Variants in PTPRO observed in about 807,000 individuals in gnomAD.
PTPRO encodes the protein protein tyrosine phosphatase receptor type O.
PTPRO carries 62 observed loss-of-function variants against 145.2 expected under a neutral mutation model. The ratio of observed to expected loss-of-function variants is 0.43; its 90% CI spans 0.35 to 0.53. The LOEUF is 0.53. PTPRO is among the 20% of genes least tolerant of loss of function. The pLI is 0.01. For missense variants in PTPRO, 1,345 were observed against 1,482.7 expected (o/e 0.91, Z 1.53); for synonymous variants, 565 against 514.7 (o/e 1.10, Z -1.32).
rs369606453 is a variant in PTPRO at position 15,580,690 on chromosome 12, C to G, written c.2998-7C>G. On this transcript the variant is annotated splice_polypyrimidine_tract_variant and splice_region_variant and intron_variant, in intron 21 of 26. Transcript: ENST00000281171. ...GTTAGGTGATAATTTTGTCACTTAT[C>G]TTTCAGGGATACAACTCACCCCAGG... 5 of 1,613,944 alleles carry G rather than the reference C, an allele frequency of 3.1e-6. No individual in the cohort carries two copies. In the African/African-American group the frequency reaches 5.3e-5, roughly 17 times the overall value.
At chr12:15,593,177 C>T (rs550220372) in intron 25 of PTPRO, among the ~76,000 whole-genome samples, 42 of 152,232 alleles carry the variant, frequency 2.8e-4, no homozygotes, top group African/African-American at 1.0e-3. Context: ...ATACCATCAC[C>T]ACAAAAGGGA....
chr12:15,416,780 GT>G (rs1222224743), intron 1 of PTPRO, among the ~76,000 whole-genome samples: 7 of 146,240 alleles, frequency 4.8e-5, no homozygotes, highest in Non-Finnish European at 1.0e-4. Flanking sequence ...AAGTTGTGCA[GT>G]TTTTTTTCTC....
intron 1 of PTPRO, among the ~76,000 whole-genome samples, chr12:15,465,345 CA>C (rs1394093046): frequency 6.6e-6 from 1 of 152,138 alleles, no homozygotes; most frequent in East Asian, 1.9e-4. Flanking sequence ...GATGAACGTG[CA>C]AAATGTTCTA....
rs148134126 is a variant in PTPRO at position 15,480,966 on chromosome 12, G to A, written c.76-3008G>A. On this transcript the variant is annotated intron_variant, in intron 1 of 26. Coordinates refer to ENST00000281171, the MANE Select transcript of PTPRO (RefSeq NM_030667.3). ...GTCCAGAGTATATGGTTATTTGCTGGAGAAACAGTCAGAGAGGAACTTGCA... is the reference window on the plus strand; with the variant it reads ...GTCCAGAGTATATGGTTATTTGCTGAAGAAACAGTCAGAGAGGAACTTGCA... 9.6e-3 allele frequency among the ~76,000 whole-genome samples: 1,457 copies of A among 152,278 alleles called. 7 individuals carry two copies. Among genetic ancestry groups the A allele is most frequent in the Admixed American group, 0.019 (292 of 15,286 alleles).
intron 1 of PTPRO, among the ~76,000 whole-genome samples, chr12:15,420,892 A>G (rs1176888052): frequency 6.6e-6 from 1 of 152,214 alleles, no homozygotes; most frequent in African/African-American, 2.4e-5. Flanking sequence ...AAAAGCACTT[A>G]GTGTCTACCA....
At chr12:15,385,855 CTAGA>C (rs1175747143) in intron 1 of PTPRO, among the ~76,000 whole-genome samples, 2 of 145,110 alleles carry the variant, frequency 1.4e-5, no homozygotes, top group African/African-American at 5.1e-5. Flanking sequence ...AGGACAGATG[CTAGA>C]TAGATAGATA....
intron 1 of PTPRO, among the ~76,000 whole-genome samples, chr12:15,391,258 C>T (rs1467223192): frequency 1.3e-5 from 2 of 152,324 alleles, no homozygotes; most frequent in South Asian, 4.1e-4. Context: ...ATTTAAGTCA[C>T]AATCTCTGAA....
At chr12:15,549,267 G>C (rs559605784) in intron 14 of PTPRO, 41 bp downstream of exon 14, 1 of 1,441,334 alleles carries the variant, frequency 6.9e-7, no homozygotes, top group Non-Finnish European at 9.4e-7. Flanking sequence ...CACTTTTTTT[G>C]AATATATATA....
chr12:15,497,435 T>C (rs780317142), intron 3 of PTPRO, 32 bp downstream of exon 3: 8 of 1,603,758 alleles, frequency 5.0e-6, no homozygotes, highest in Non-Finnish European at 5.1e-6. Flanking sequence ...GAATCAATGA[T>C]GACCCTCACT....
At chr12:15,361,375 G>A (rs1478992348) in intron 1 of PTPRO, among the ~76,000 whole-genome samples, 4 of 147,084 alleles carry the variant, frequency 2.7e-5, no homozygotes, top group African/African-American at 7.5e-5. Context: ...GGAGGCGAAG[G>A]TTGCAGTGAG....
chr12:15,468,326 A>C (rs1483393311), intron 1 of PTPRO, among the ~76,000 whole-genome samples: 5 of 152,228 alleles, frequency 3.3e-5, no homozygotes, highest in Non-Finnish European at 7.3e-5. Context: ...TGAATAACCC[A>C]TAAGTGTCTT....
At chr12:15,395,163 A>G (rs1452831385) in intron 1 of PTPRO, among the ~76,000 whole-genome samples, 2 of 152,254 alleles carry the variant, frequency 1.3e-5, no homozygotes, top group East Asian at 3.8e-4. Flanking sequence ...TGTGGAAAAC[A>G]GGAAGACATT....
chr12:15,583,780 C>T (rs574424036), intron 23 of PTPRO, among the ~76,000 whole-genome samples: 12 of 152,066 alleles, frequency 7.9e-5, no homozygotes, highest in Non-Finnish European at 1.5e-4. Context: ...ATCAATACAA[C>T]GTTAGAACTT....
At chr12:15,427,128 C>T (rs960194670) in intron 1 of PTPRO, among the ~76,000 whole-genome samples, 11 of 152,034 alleles carry the variant, frequency 7.2e-5, no homozygotes, top group African/African-American at 2.4e-4. Flanking sequence ...CTCTTAGATG[C>T]TCACATGCTA....
chr12:15,358,076 T>G (rs10846166), intron 1 of PTPRO, among the ~76,000 whole-genome samples: 36,207 of 150,402 alleles, frequency 0.24, 4,587 homozygotes, highest in Non-Finnish European at 0.29. Context: ...ATGAGTTCAT[T>G]TCCTTTGTAG....
chr12:15,474,432 C>G (rs539441997), intron 1 of PTPRO, among the ~76,000 whole-genome samples: 1 of 152,094 alleles, frequency 6.6e-6, no homozygotes, highest in African/African-American at 2.4e-5. Flanking sequence ...TTTGCTGCCT[C>G]GGTTAGCTGG....
chr12:15,389,297 C>T (rs1324294185), intron 1 of PTPRO, among the ~76,000 whole-genome samples: 7 of 151,760 alleles, frequency 4.6e-5, no homozygotes, highest in African/African-American at 9.7e-5. Flanking sequence ...TTAGTAGAGA[C>T]GGGGTTTCAC....
chr12:15,434,942 A>G (rs1164945280), intron 1 of PTPRO, among the ~76,000 whole-genome samples: 3 of 152,194 alleles, frequency 2.0e-5, no homozygotes, highest in Non-Finnish European at 4.4e-5. Flanking sequence ...ATTTCAGAAT[A>G]ATAGGTGCTT....
intron 1 of PTPRO, among the ~76,000 whole-genome samples, chr12:15,438,355 C>T (rs554875968): frequency 5.7e-4 from 86 of 152,080 alleles, no homozygotes; most frequent in Non-Finnish European, 5.0e-4. Flanking sequence ...CAGCAATGGT[C>T]CCTAGCCAAA....
Sources: gnomAD v4.1 joint callset for allele counts (sites outside exome capture counted in the v4.1 genomes callset) on GRCh38, gnomAD v4.1.1 for gene constraint, MANE v1.5 for transcripts, NCBI Gene and HGNC (gene_info 2026-07-23, HGNC 2026-07-21) for gene names.